The following COL5A1 variants were observed in gnomAD, a reference collection of about 807,000 sequenced individuals.
COL5A1 encodes collagen type V alpha 1 chain, also known as collagen alpha-1(V) chain.
Under a neutral mutation model 263.7 loss-of-function variants are expected in COL5A1, and 16 were observed. The observed-to-expected ratio is 0.06, with a 90% confidence interval of 0.04 to 0.09. COL5A1 has a LOEUF of 0.09. Ranked by LOEUF, COL5A1 falls within the 10% of genes least tolerant of loss-of-function variation. COL5A1 has a pLI of 1.00. For synonymous variants in COL5A1, 1,012 were observed against 1,004.5 expected, an observed-to-expected ratio of 1.01 and a Z score of -0.14; for missense variants, 2,036 against 2,540.5, an observed-to-expected ratio of 0.80 and a Z score of 4.27.
At chr9:134,817,131 C>T (rs1564479488) in intron 53 of COL5A1, 52 bp downstream of exon 53, 4 of 1,488,680 alleles carry the variant, frequency 2.7e-6, no homozygotes, top group Non-Finnish European at 2.8e-6. Context: ...CATGAAACAC[C>T]CCCGCCCCTC....
In COL5A1 at chr9:134,786,052, A is replaced by C; in HGVS notation, c.2646+4A>C. On this transcript the variant is annotated splice_donor_region_variant and intron_variant, in intron 31 of 65. Coordinates refer to ENST00000371817, the MANE Select transcript of COL5A1 (RefSeq NM_000093.5). ...TCCAGGAAGACAAGGACCAAAGGTA[A>C]CTTCTGGCCGTGTTAGGTGTCCCGG... is the stretch of plus-strand genomic sequence containing the variant. The C allele has an allele frequency of 6.8e-6, 11 of 1,611,632 alleles. No homozygotes were observed. The highest frequency in any genetic ancestry group is 9.3e-6 in the Non-Finnish European group (11 of 1,178,968).
At chr9:134,693,012 G>A (rs1457246121) in intron 2 of COL5A1, among the ~76,000 whole-genome samples, 1 of 152,214 alleles carries the variant, frequency 6.6e-6, no homozygotes, top group African/African-American at 2.4e-5. Context: ...GGCGGAGGTT[G>A]CAGTGAGCTG....
chr9:134,743,695 G>A (rs1398516293), intron 11 of COL5A1, among the ~76,000 whole-genome samples: 3 of 152,230 alleles, frequency 2.0e-5, no homozygotes, highest in Non-Finnish European at 4.4e-5. Flanking sequence ...TGCAGAAGCA[G>A]CCTGGCAATA....
At chr9:134,776,623 G>A (rs1427200810) in intron 27 of COL5A1, among the ~76,000 whole-genome samples, 1 of 152,250 alleles carries the variant, frequency 6.6e-6, no homozygotes, top group Non-Finnish European at 1.5e-5. Flanking sequence ...GGGCCGAGCT[G>A]CCGCCATTTG....
In COL5A1 at chr9:134,769,514, A is replaced by T. The variant is rs193262494; in HGVS notation, c.2286+1051A>T. Among the ~76,000 whole-genome samples the T allele has an allele frequency of 3.9e-5, 6 of 152,350 alleles. No individual in the cohort carries two copies. In the East Asian group the frequency reaches 1.2e-3, roughly 29 times the overall value. The stretch of plus-strand genomic sequence containing the variant: ...TTGTTATAGAAAATTAGGAAAATAA[A>T]TAAAATTACAGTAAAATTATAGCCA... On this transcript the variant is annotated intron_variant, in intron 25 of 65. Transcript: ENST00000371817.
chr9:134,768,229 C>T (rs572885552), intron 24 of COL5A1, among the ~76,000 whole-genome samples, 181 bp from the exon 25 acceptor site: 23 of 152,326 alleles, frequency 1.5e-4, no homozygotes, highest in Middle Eastern at 3.4e-3. Flanking sequence ...ACAGTGGAGC[C>T]GCCTCCTCCT....
chr9:134,811,663 T>C, intron 46 of COL5A1, 64 bp downstream of exon 46: 1 of 1,308,234 alleles, frequency 7.6e-7, no homozygotes, highest in South Asian at 1.3e-5. Context: ...GTCTTCATTG[T>C]GCTCTCTCCT....
At chr9:134,766,621 C>T in intron 22 of COL5A1, 123 bp downstream of exon 22, 1 of 1,020,704 alleles carries the variant, frequency 9.8e-7, no homozygotes, top group Admixed American at 2.1e-5. Context: ...GGTTGCAGAC[C>T]CTCTGCTGTG....
intron 46 of COL5A1, 58 bp from the exon 47 acceptor site, chr9:134,812,391 G>T: frequency 6.5e-7 from 1 of 1,547,338 alleles, no homozygotes; most frequent in Non-Finnish European, 8.9e-7. Context: ...AAAGCTGTGT[G>T]TGTGTTTGAC....
At chr9:134,738,881 C>T in intron 11 of COL5A1, 73 bp downstream of exon 11, 1 of 1,250,190 alleles carries the variant, frequency 8.0e-7, no homozygotes, top group South Asian at 1.2e-5. Context: ...CACACTGTGA[C>T]CCGAGCTGTC....
chr9:134,642,582 G>C lies in COL5A1; in HGVS notation c.109+286G>C, dbSNP rs1259393609. Among the ~76,000 whole-genome samples the C allele has an allele frequency of 6.6e-6, 1 of 152,182 alleles. No homozygotes were observed. Among genetic ancestry groups the C allele is most frequent in the African/African-American group, 2.4e-5 (1 of 41,458 alleles). On this transcript the variant is annotated intron_variant, in intron 1 of 65. Coordinates refer to ENST00000371817, the MANE Select transcript of COL5A1 (RefSeq NM_000093.5). The surrounding 1 kb of genome is among the most constrained non-coding windows in gnomAD (Gnocchi z 4.5). ...TGGATCAGCAGGAGGGGTTGTCCAC[G>C]AGGCGGGCAAACTTTTGTCCCAAAA...
In COL5A1 at chr9:134,728,842, C is replaced by T. The variant is rs112243377; in HGVS notation, c.924+35C>T. 20 of 1,613,280 alleles carry T rather than the reference C, an allele frequency of 1.2e-5. No individual in the cohort carries two copies. The East Asian group carries it at 3.8e-4, about 31-fold the overall frequency. Reference sequence around the variant, plus strand: ...GAGCGGGGGACTGGGTTGGGCTGGGCCCCTCGAGGCCATGGTGCAGGGGAG... The same window carrying T: ...GAGCGGGGGACTGGGTTGGGCTGGGTCCCTCGAGGCCATGGTGCAGGGGAG... On this transcript the variant is annotated intron_variant, in intron 6 of 65. Coordinates refer to ENST00000371817, the MANE Select transcript of COL5A1 (RefSeq NM_000093.5).
intron 3 of COL5A1, 146 bp from the exon 4 acceptor site, chr9:134,701,025 C>T (rs1041674677): frequency 7.4e-6 from 6 of 807,086 alleles, no homozygotes; most frequent in Middle Eastern, 3.2e-4. Context: ...TTGTCTGATT[C>T]CAGAGGCTGG....
chr9:134,671,784 C>T (rs1029366029), intron 1 of COL5A1, among the ~76,000 whole-genome samples: 19 of 152,354 alleles, frequency 1.2e-4, no homozygotes, highest in African/African-American at 3.1e-4. Context: ...AACCATCTCC[C>T]GGGGCCAATT....
intron 9 of COL5A1, 190 bp downstream of exon 9, chr9:134,732,317 T>TACCCA: frequency 4.4e-6 from 3 of 685,748 alleles, no homozygotes; most frequent in Non-Finnish European, 5.3e-6. Context: ...TCCCCTTGGG[T>TACCCA]AGGGGATGTT....
chr9:134,778,269 T>C (rs1837122971), intron 27 of COL5A1, among the ~76,000 whole-genome samples: 1 of 152,220 alleles, frequency 6.6e-6, no homozygotes, highest in African/African-American at 2.4e-5. Context: ...ACCACTCGCC[T>C]CTCAGCAGCT....
chr9:134,754,188 G>T lies in COL5A1; in HGVS notation c.1774-85G>T. Reference sequence around the variant, plus strand: ...GCTTGGACAGCCAGGCATGGGCAGGGTCGATGAGCACAGGGACAAGGCTTT... The same window carrying T: ...GCTTGGACAGCCAGGCATGGGCAGGTTCGATGAGCACAGGGACAAGGCTTT... On this transcript the variant is annotated intron_variant, in intron 15 of 65. Coordinates refer to ENST00000371817, the MANE Select transcript of COL5A1 (RefSeq NM_000093.5). The surrounding 1 kb of genome is among the most constrained non-coding windows in gnomAD (Gnocchi z 4.3). 1.4e-6 allele frequency: 2 copies of T among 1,447,650 alleles called. No homozygotes were observed. The highest frequency in any genetic ancestry group is 1.9e-6 in the Non-Finnish European group (2 of 1,040,652). The allele number at this position is 1,447,650 out of a possible 1,614,324, so 89.7% of individuals were successfully genotyped here.
chr9:134,784,958 G>GGCAGGT, intron 29 of COL5A1, 31 bp from the exon 30 acceptor site: 1 of 1,551,770 alleles, frequency 6.4e-7, no homozygotes, highest in Non-Finnish European at 8.9e-7. Flanking sequence ...GCGGGGGGTG[G>GGCAGGT]TCTTCTCACC....
intron 4 of COL5A1, among the ~76,000 whole-genome samples, chr9:134,719,296 C>T (rs906423255): frequency 3.3e-5 from 5 of 152,320 alleles, no homozygotes; most frequent in East Asian, 3.9e-4. Flanking sequence ...ACTGTGCACA[C>T]GACGTAGGCA....
Sources: allele counts gnomAD v4.1 joint callset (sites outside exome capture counted in the v4.1 genomes callset), GRCh38; gene constraint gnomAD v4.1.1; non-coding constraint Gnocchi (gnomAD v3.1); transcripts MANE v1.5; gene names NCBI Gene and HGNC (gene_info 2026-07-23, HGNC 2026-07-21).